The following ELFN2 variants were observed in gnomAD, a reference collection of about 807,000 sequenced individuals.
ELFN2 encodes the protein protein phosphatase 1 regulatory subunit 29.
Under a neutral mutation model 45.5 loss-of-function variants are expected in ELFN2, and 17 were observed. That is an observed-to-expected ratio of 0.37 (90% CI 0.26 to 0.56). ELFN2 has a LOEUF of 0.56. Ranked by LOEUF, ELFN2 falls within the 20% of genes least tolerant of loss-of-function variation. ELFN2 has a pLI of 0.77. For missense variants in ELFN2, 922 were observed against 1,183.2 expected, an observed-to-expected ratio of 0.78 and a Z score of 3.24; for synonymous variants, 550 against 551.5, an observed-to-expected ratio of 1.00 and a Z score of 0.04.
chr22:37,415,830 C>T (rs1932754565), intron 2 of ELFN2, among the ~76,000 whole-genome samples: 1 of 152,160 alleles, frequency 6.6e-6, no homozygotes. Context: ...GGCGTGGTGG[C>T]ACGCGCCTAT....
At chr22:37,404,752 T>C (rs1932452626) in intron 2 of ELFN2, among the ~76,000 whole-genome samples, 1 of 151,724 alleles carries the variant, frequency 6.6e-6, no homozygotes, top group South Asian at 2.1e-4. Context: ...CAGCTGGGAG[T>C]GGATGCTGGT....
At chr22:37,401,399 G>A (rs895616238) in intron 2 of ELFN2, among the ~76,000 whole-genome samples, 1 of 150,176 alleles carries the variant, frequency 6.7e-6, no homozygotes, top group Non-Finnish European at 1.5e-5. Flanking sequence ...AAAGCTGGTG[G>A]TCATGGGGCC....
At chr22:37,357,093 G>A (rs1423438510) in intron 1 of ELFN2, among the ~76,000 whole-genome samples, 1 of 151,462 alleles carries the variant, frequency 6.6e-6, no homozygotes, top group Non-Finnish European at 1.5e-5. Context: ...TTGCTATGTG[G>A]GATCTCTGTC....
downstream of ELFN2, among the ~76,000 whole-genome samples, chr22:37,364,673 G>A (rs1931162423): frequency 6.6e-6 from 1 of 152,246 alleles, no homozygotes; most frequent in African/African-American, 2.4e-5. Context: ...GAATAGCTTA[G>A]GACAAGGGAG....
chr22:37,425,293 T>C (rs1601776150), intron 1 of ELFN2, among the ~76,000 whole-genome samples: 1 of 152,098 alleles, frequency 6.6e-6, no homozygotes, highest in South Asian at 2.1e-4. Context: ...CAGCCAATGG[T>C]GCTGATGTGA....
At chr22:37,350,900 CT>C (rs913082645) in intron 1 of ELFN2, among the ~76,000 whole-genome samples, 3 of 150,568 alleles carry the variant, frequency 2.0e-5, no homozygotes, top group African/African-American at 4.8e-5. Context: ...CCCTTACCCC[CT>C]GACCCATTCC....
intron 2 of ELFN2, among the ~76,000 whole-genome samples, chr22:37,381,023 G>A (rs188829804): frequency 6.6e-6 from 1 of 152,290 alleles, no homozygotes; most frequent in Admixed American, 6.5e-5. Flanking sequence ...CATAGATGGT[G>A]CGGGGAAGGG....
chr22:37,405,833 A>AT (rs1163712596), intron 2 of ELFN2, among the ~76,000 whole-genome samples: 1 of 125,676 alleles, frequency 8.0e-6, no homozygotes, highest in African/African-American at 3.8e-5. Flanking sequence ...AAAAAAAAAA[A>AT]GGGTGGAGGG....
At chr22:37,361,392 A>C (rs1353589332) in intron 1 of ELFN2, among the ~76,000 whole-genome samples, 42 of 80,896 alleles carry the variant, frequency 5.2e-4, no homozygotes, top group Admixed American at 8.4e-4. Flanking sequence ...CCTTCCTCCC[A>C]CCCCCAGGAG....
chr22:37,346,083 G>A (rs1930689437), intron 1 of ELFN2, among the ~76,000 whole-genome samples: 1 of 152,236 alleles, frequency 6.6e-6, no homozygotes, highest in Non-Finnish European at 1.5e-5. Flanking sequence ...AGGACGGGAT[G>A]ATAACACCGG....
chr22:37,381,341 G>A (rs1931758601), intron 2 of ELFN2, among the ~76,000 whole-genome samples: 1 of 152,118 alleles, frequency 6.6e-6, no homozygotes, highest in South Asian at 2.1e-4. Context: ...AAGCGTGCAA[G>A]GGGGAGTTGT....
In ELFN2 at chr22:37,393,875, C is replaced by T. The variant is rs147840404; in HGVS notation, c.-462-17879G>A. 3.7e-4 allele frequency among the ~76,000 whole-genome samples: 57 copies of T among 152,292 alleles called. No homozygotes were observed. The South Asian group carries it at 4.1e-3, about 11-fold the overall frequency. ...TAATGGAGCTGCAGGCGACACGGAA[C>T]GGGTCCCCCATTCGCTGGCAGATGC... On this transcript the variant is annotated intron_variant, in intron 2 of 2. Coordinates refer to ENST00000402918, the MANE Select transcript of ELFN2 (RefSeq NM_052906.5).
intron 2 of ELFN2, among the ~76,000 whole-genome samples, chr22:37,400,093 T>C (rs1027751103): frequency 1.3e-5 from 2 of 151,912 alleles, no homozygotes; most frequent in Middle Eastern, 3.2e-3. Flanking sequence ...AGCAGGTCCC[T>C]AGGAAACCGG....
downstream of ELFN2, among the ~76,000 whole-genome samples, chr22:37,365,677 C>T (rs914587082): frequency 1.3e-5 from 2 of 152,190 alleles, no homozygotes; most frequent in Non-Finnish European, 2.9e-5. Context: ...GTGCCCCTGG[C>T]AACTATGGTC....
intron 2 of ELFN2, among the ~76,000 whole-genome samples, chr22:37,399,042 C>T (rs974970535): frequency 1.3e-5 from 2 of 152,142 alleles, no homozygotes; most frequent in African/African-American, 4.8e-5. Context: ...TTTCCTGGCC[C>T]GGAGGGAGCT....
chr22:37,363,025 G>A (rs564550928), downstream of ELFN2, among the ~76,000 whole-genome samples: 75 of 152,260 alleles, frequency 4.9e-4, no homozygotes, highest in African/African-American at 1.6e-3. Flanking sequence ...AGGGCCCCCC[G>A]AGGTACCGAT....
chr22:37,372,748 C>T lies in ELFN2; in HGVS notation c.*324G>A. 1 of 213,198 alleles carries T rather than the reference C, an allele frequency of 4.7e-6. No individual in the cohort carries two copies. The highest frequency in any genetic ancestry group is 9.3e-6 in the Non-Finnish European group (1 of 107,754). The allele number at this position is 213,198 out of a possible 1,614,324, so 13.2% of individuals were successfully genotyped here. A position where few individuals can be genotyped will look rare whatever the true frequency, so the allele number is the denominator to read the frequency against. ...CAGACCCCACACCCTCTCTTGGCTT[C>T]CTTCCTCCCCCCGCCAGCCCCCCGG... On this transcript the variant is annotated 3_prime_UTR_variant, in exon 3 of 3. Coordinates refer to ENST00000402918, the MANE Select transcript of ELFN2 (RefSeq NM_052906.5). This position sits in a 1 kb window ranked among gnomAD's most constrained non-coding sequence, Gnocchi z 4.4.
At chr22:37,389,894 G>A (rs762013703) in intron 2 of ELFN2, among the ~76,000 whole-genome samples, 1 of 152,176 alleles carries the variant, frequency 6.6e-6, no homozygotes, top group Non-Finnish European at 1.5e-5. Flanking sequence ...GCGGCCAGTC[G>A]TCTCTGCTCT....
intron 1 of ELFN2, among the ~76,000 whole-genome samples, chr22:37,419,119 C>T (rs1399333871): frequency 6.6e-6 from 1 of 151,920 alleles, no homozygotes; most frequent in Admixed American, 6.6e-5. Flanking sequence ...TGGCAGCCAG[C>T]GGCGCCCAAC....
Sources: gnomAD v4.1 joint callset for allele counts (sites outside exome capture counted in the v4.1 genomes callset) on GRCh38, gnomAD v4.1.1 for gene constraint, Gnocchi (gnomAD v3.1) non-coding constraint, MANE v1.5 for transcripts, NCBI Gene and HGNC (gene_info 2026-07-23, HGNC 2026-07-21) for gene names.